ENPP3: variants seen among roughly 807,000 people sequenced by gnomAD.
ENPP3 encodes ectonucleotide pyrophosphatase/phosphodiesterase family member 3.
Under a neutral mutation model 117.8 loss-of-function variants are expected in ENPP3, and 104 were observed. The observed-to-expected ratio is 0.88, with a 90% confidence interval of 0.75 to 1.04. The LOEUF is 1.04. Ranked by LOEUF, ENPP3 falls within the 50% of genes least tolerant of loss-of-function variation. The pLI is 0.00. For missense variants in ENPP3, 1,026 were observed against 1,051.9 expected, an observed-to-expected ratio of 0.98 and a Z score of 0.34; for synonymous variants, 380 against 349.9, an observed-to-expected ratio of 1.09 and a Z score of -0.96.
At chr6:131,655,928 C>G (rs1778375419) in intron 5 of ENPP3, among the ~76,000 whole-genome samples, 1 of 152,166 alleles carries the variant, frequency 6.6e-6, no homozygotes, top group Non-Finnish European at 1.5e-5. Context: ...CTGCCTATAC[C>G]TTCCATCCCT....
intron 15 of ENPP3, among the ~76,000 whole-genome samples, chr6:131,707,186 T>G (rs1159875419): frequency 6.6e-6 from 1 of 151,668 alleles, no homozygotes; most frequent in Non-Finnish European, 1.5e-5. Context: ...GGAGGAACAC[T>G]GCATTTTGTC....
chr6:131,654,972 A>G (rs1351195051), intron 5 of ENPP3, among the ~76,000 whole-genome samples: 2 of 152,190 alleles, frequency 1.3e-5, no homozygotes, highest in African/African-American at 4.8e-5. Flanking sequence ...ATGAAACTGA[A>G]ATAATAACAA....
intron 2 of ENPP3, among the ~76,000 whole-genome samples, chr6:131,648,205 A>C (rs1401671119): frequency 6.6e-6 from 1 of 151,400 alleles, no homozygotes; most frequent in Non-Finnish European, 1.5e-5. Context: ...TTTGGGGTCA[A>C]ACTATAGTAG....
chr6:131,676,912 G>T (rs542814582), intron 10 of ENPP3, 111 bp downstream of exon 10: 1 of 695,002 alleles, frequency 1.4e-6, no homozygotes, highest in African/African-American at 1.8e-5. Context: ...TCGAAACGAC[G>T]TGGCATTGCC....
chr6:131,661,290 C>G (rs562200608), intron 6 of ENPP3, among the ~76,000 whole-genome samples: 1 of 151,856 alleles, frequency 6.6e-6, no homozygotes, highest in African/African-American at 2.4e-5. Context: ...TTTTGAGAAA[C>G]CTCCATGCCA....
At chr6:131,648,605 T>A (rs893627310) in intron 2 of ENPP3, among the ~76,000 whole-genome samples, 2 of 152,140 alleles carry the variant, frequency 1.3e-5, no homozygotes, top group East Asian at 3.9e-4. Flanking sequence ...TAAATATTCA[T>A]AGAATAAATA....
At chr6:131,671,640 G>T (rs1421529382) in intron 7 of ENPP3, among the ~76,000 whole-genome samples, 2 of 152,206 alleles carry the variant, frequency 1.3e-5, no homozygotes, top group Admixed American at 1.3e-4. Flanking sequence ...CTGAGGGTCT[G>T]CTGGGAACAG....
Position 131,660,934 on chromosome 6 carries a change from T to C in ENPP3, c.562+2514T>C, listed in dbSNP as rs1052143010. ...AATCCACCATCCTATTCTTTGCTTC[T>C]ATGATTTTAACTATTTTAGATAACC... On this transcript the variant is annotated intron_variant, in intron 6 of 24. Coordinates refer to ENST00000357639, the MANE Select transcript of ENPP3 (RefSeq NM_005021.5). Among the ~76,000 whole-genome samples, 6 of 152,340 alleles carry C rather than the reference T, an allele frequency of 3.9e-5. No homozygotes were observed. The South Asian group carries it at 1.0e-3, about 26-fold the overall frequency.
Position 131,710,147 on chromosome 6 carries a change from C to T in ENPP3, c.1413-8525C>T, listed in dbSNP as rs1170812881. ...CTGTTCACTTTTAATTCCAGGTTAT[C>T]ATCATCCGTTGTGTCTTCTTCAAGC... On this transcript the variant is annotated intron_variant, in intron 15 of 24. Transcript: ENST00000357639. 3 of 1,613,872 alleles carry T rather than the reference C, an allele frequency of 1.9e-6. 1 individual carries two copies. Among genetic ancestry groups the T allele is most frequent in the Non-Finnish European group, 2.5e-6 (3 of 1,179,862 alleles).
chr6:131,711,233 C>A (rs1449998216), intron 15 of ENPP3, among the ~76,000 whole-genome samples: 5 of 152,276 alleles, frequency 3.3e-5, no homozygotes, highest in African/African-American at 1.2e-4. Flanking sequence ...CCTCTTGTTA[C>A]ACTTTACATC....
intron 19 of ENPP3, among the ~76,000 whole-genome samples, chr6:131,725,054 CAAA>C (rs34304450): frequency 0.036 from 3,158 of 87,418 alleles, 104 homozygotes; most frequent in African/African-American, 0.094. Flanking sequence ...ACTAAAAATA[CAAA>C]AAAAAAAAAA....
In ENPP3 at chr6:131,737,434, TA is replaced by T; in HGVS notation, c.2167+4del. On this transcript the variant is annotated splice_donor_region_variant and intron_variant, in intron 22 of 24. Coordinates refer to ENST00000357639, the MANE Select transcript of ENPP3 (RefSeq NM_005021.5). ...TACCTATGTATGAAGAATTCAGAAGTAAGTATGAATTTAGAGTATTAATTTT... is the reference window on the plus strand; with the variant it reads ...TACCTATGTATGAAGAATTCAGAAGTAGTATGAATTTAGAGTATTAATTTT... 6.7e-7 allele frequency: 1 copy of T among 1,498,680 alleles called. No individual in the cohort carries two copies. Among genetic ancestry groups the T allele is most frequent in the Non-Finnish European group, 9.3e-7 (1 of 1,078,392 alleles). The allele number at this position is 1,498,680 out of a possible 1,614,324, so 92.8% of individuals were successfully genotyped here.
intron 19 of ENPP3, among the ~76,000 whole-genome samples, chr6:131,725,654 C>T (rs1375338885): frequency 6.6e-6 from 1 of 152,128 alleles, no homozygotes; most frequent in Non-Finnish European, 1.5e-5. Flanking sequence ...AATTACTAGA[C>T]TAGGTCATCT....
chr6:131,640,071 G>T (rs1244492512), intron 1 of ENPP3, among the ~76,000 whole-genome samples: 2 of 152,152 alleles, frequency 1.3e-5, no homozygotes, highest in Non-Finnish European at 2.9e-5. Context: ...AAATTATGAA[G>T]AAACAGATTC....
chr6:131,668,216 T>G (rs1412587327), intron 6 of ENPP3, among the ~76,000 whole-genome samples: 1 of 141,964 alleles, frequency 7.0e-6, no homozygotes, highest in East Asian at 2.0e-4. Context: ...GTTTTTTTTT[T>G]TTTTTTTTTT....
At chr6:131,645,627 G>A (rs1449650301) in intron 2 of ENPP3, among the ~76,000 whole-genome samples, 8 of 152,172 alleles carry the variant, frequency 5.3e-5, no homozygotes, top group Admixed American at 2.6e-4. Flanking sequence ...CTTTGTCTAT[G>A]TAAAGACGCA....
intron 20 of ENPP3, among the ~76,000 whole-genome samples, chr6:131,731,756 G>A (rs1780286374): frequency 6.6e-6 from 1 of 152,142 alleles, no homozygotes; most frequent in Non-Finnish European, 1.5e-5. Context: ...GGTAGTCAGT[G>A]TTTACTGGTC....
intron 19 of ENPP3, 135 bp downstream of exon 19, chr6:131,724,226 T>TAAAAAAAA: frequency 2.4e-5 from 10 of 416,456 alleles, no homozygotes; most frequent in African/African-American, 7.8e-5. Flanking sequence ...ATACAAAAGG[T>TAAAAAAAA]AAAAAAAAAA....
intron 12 of ENPP3, among the ~76,000 whole-genome samples, chr6:131,684,525 C>A (rs146514779): frequency 0.021 from 3,143 of 152,054 alleles, 105 homozygotes; most frequent in African/African-American, 0.073. Context: ...ACTAAAACTA[C>A]AAAATTAGCC....
Sources: allele counts gnomAD v4.1 joint callset (sites outside exome capture counted in the v4.1 genomes callset), GRCh38; gene constraint gnomAD v4.1.1; transcripts MANE v1.5; gene names NCBI Gene and HGNC (gene_info 2026-07-23, HGNC 2026-07-21).